PTPRM: variants seen among roughly 807,000 people sequenced by gnomAD.
PTPRM encodes the protein protein tyrosine phosphatase receptor type M, also known as receptor-type tyrosine-protein phosphatase mu.
Under a neutral mutation model 186.7 loss-of-function variants are expected in PTPRM, and 47 were observed. The observed-to-expected ratio is 0.25, with a 90% CI of 0.20 to 0.32. PTPRM has a LOEUF of 0.32. PTPRM is among the 10% of genes least tolerant of loss of function. The pLI is 1.00. For missense variants in PTPRM, 1,494 were observed against 1,865.0 expected (o/e 0.80, Z 3.66); for synonymous variants, 668 against 674.9 (o/e 0.99, Z 0.16).
At chr18:8,184,710 A>G (rs2093620085) in intron 14 of PTPRM, among the ~76,000 whole-genome samples, 1 of 152,240 alleles carries the variant, frequency 6.6e-6, no homozygotes. Context: ...TTTAGGAAAA[A>G]GTTATATGAG....
At chr18:8,350,165 A>T (rs529802954) in intron 23 of PTPRM, among the ~76,000 whole-genome samples, 1 of 152,286 alleles carries the variant, frequency 6.6e-6, no homozygotes, top group South Asian at 2.1e-4. Context: ...CTCTTTCCTG[A>T]TAAGCAGCTG....
chr18:8,296,382 G>T lies in PTPRM; in HGVS notation c.2769G>T (p.Gly923=). The T allele has an allele frequency of 6.2e-7, 1 of 1,608,048 alleles. No homozygotes were observed. Among genetic ancestry groups the T allele is most frequent in the Non-Finnish European group, 8.5e-7 (1 of 1,174,632 alleles). ...TTTCCTTCTAGAGCTTCTTTGAAGG[G>T]CAGTCTGCACCATGGGACTCGGCTA... ...FKEEYESFFE[G]QSAPWDSAKK... is the part of the protein sequence containing the mutation. Residue 923 remains glycine, a synonymous_variant, in exon 20 of 33, where the codon GGG becomes GGT. Coordinates refer to ENST00000580170, the MANE Select transcript of PTPRM (RefSeq NM_001105244.2).
rs1250757812 is a variant in PTPRM at position 7,757,553 on chromosome 18, C to T, written c.74-16596C>T. Among the ~76,000 whole-genome samples, 34 of 152,104 alleles carry T rather than the reference C, an allele frequency of 2.2e-4. 1 individual carries two copies. The highest frequency in any genetic ancestry group is 1.9e-4 in the East Asian group (1 of 5,178). ...CCCTGGGCAGCCAGCAGCAGGTGGG[C>T]GTTTCTGCAGTAAGCCTCTGGGGCT... On this transcript the variant is annotated intron_variant, in intron 1 of 32. Transcript: ENST00000580170.
chr18:7,818,213 C>T (rs572285065), intron 2 of PTPRM, among the ~76,000 whole-genome samples: 1 of 152,136 alleles, frequency 6.6e-6, no homozygotes, highest in East Asian at 1.9e-4. Flanking sequence ...AGTTTTTTTT[C>T]CGACGAGTCT....
chr18:7,869,490 C>A (rs970943268), intron 2 of PTPRM, among the ~76,000 whole-genome samples: 1 of 152,146 alleles, frequency 6.6e-6, no homozygotes, highest in African/African-American at 2.4e-5. Context: ...GAGGCAATGC[C>A]CCACCCTGCT....
At chr18:7,879,271 T>G (rs943488444) in intron 2 of PTPRM, among the ~76,000 whole-genome samples, 2 of 152,228 alleles carry the variant, frequency 1.3e-5, no homozygotes, top group Admixed American at 6.5e-5. Flanking sequence ...CAAGTCCCTT[T>G]TAAGATTGAT....
chr18:8,351,884 G>T (rs2095536224), intron 23 of PTPRM, among the ~76,000 whole-genome samples: 1 of 152,126 alleles, frequency 6.6e-6, no homozygotes, highest in Non-Finnish European at 1.5e-5. Flanking sequence ...CTCAACACCA[G>T]CTCCTCCAGG....
chr18:8,263,379 G>C (rs191818126), intron 19 of PTPRM, among the ~76,000 whole-genome samples: 38 of 152,272 alleles, frequency 2.5e-4, no homozygotes, highest in Non-Finnish European at 5.0e-4. Context: ...AAAGTGCTAG[G>C]ATAACAGGTG....
chr18:8,272,404 A>G lies in PTPRM; in HGVS notation c.2754+18990A>G, dbSNP rs139830873. 2.8e-3 allele frequency among the ~76,000 whole-genome samples: 428 copies of G among 151,734 alleles called. 3 individuals carry two copies. Among genetic ancestry groups the G allele is most frequent in the African/African-American group, 9.8e-3 (407 of 41,432 alleles). ...CACATTAACTTGCCCTCTTTTTTTCAAATATAAACATTGATTTGAGAGTAT... is the reference window on the plus strand; with the variant it reads ...CACATTAACTTGCCCTCTTTTTTTCGAATATAAACATTGATTTGAGAGTAT... On this transcript the variant is annotated intron_variant, in intron 19 of 32. Transcript: ENST00000580170.
chr18:7,807,634 C>T (rs2044298996), intron 2 of PTPRM, among the ~76,000 whole-genome samples: 1 of 152,130 alleles, frequency 6.6e-6, no homozygotes, highest in Non-Finnish European at 1.5e-5. Flanking sequence ...TTGTTGTTGT[C>T]ATCTAAGTGA....
intron 14 of PTPRM, among the ~76,000 whole-genome samples, chr18:8,155,730 A>C (rs949485371): frequency 8.5e-5 from 13 of 152,238 alleles, no homozygotes; most frequent in Non-Finnish European, 1.6e-4. Flanking sequence ...TGCCTGCAGC[A>C]TGCAGCCGGA....
chr18:7,577,993 G>A (rs1447357020), intron 1 of PTPRM, among the ~76,000 whole-genome samples: 1 of 152,164 alleles, frequency 6.6e-6, no homozygotes, highest in Non-Finnish European at 1.5e-5. Context: ...TGTGACATCA[G>A]CCATGGGGAT....
chr18:7,596,909 A>G (rs1156306245), intron 1 of PTPRM, among the ~76,000 whole-genome samples: 1 of 148,838 alleles, frequency 6.7e-6, no homozygotes, highest in South Asian at 2.1e-4. Context: ...GCTGGAGTGC[A>G]TTGGCACAAT....
chr18:8,089,215 G>A (rs781111464), intron 11 of PTPRM, among the ~76,000 whole-genome samples: 3 of 151,990 alleles, frequency 2.0e-5, no homozygotes, highest in Non-Finnish European at 4.4e-5. Context: ...TGGATGTTTC[G>A]ATTTTTTCAT....
At chr18:7,900,486 A>G (rs148151785) in intron 3 of PTPRM, among the ~76,000 whole-genome samples, 623 of 152,286 alleles carry the variant, frequency 4.1e-3, no homozygotes, top group African/African-American at 0.014. Flanking sequence ...CCCAATTGCT[A>G]TATTTCTTAT....
At chr18:8,056,728 C>T (rs2087977417) in intron 7 of PTPRM, among the ~76,000 whole-genome samples, 1 of 148,702 alleles carries the variant, frequency 6.7e-6, no homozygotes, top group South Asian at 2.2e-4. Context: ...AGGCCCATAG[C>T]CTTGAAATGC....
intron 2 of PTPRM, among the ~76,000 whole-genome samples, chr18:7,782,970 G>T (rs1347909229): frequency 6.6e-6 from 1 of 152,154 alleles, no homozygotes; most frequent in Non-Finnish European, 1.5e-5. Flanking sequence ...ATAGTGGCTA[G>T]CTGTGTTTTA....
intron 1 of PTPRM, among the ~76,000 whole-genome samples, chr18:7,733,179 A>G (rs947686964): frequency 6.6e-6 from 1 of 152,108 alleles, no homozygotes; most frequent in Non-Finnish European, 1.5e-5. Flanking sequence ...TCAACCCATC[A>G]TCTAGGTTTT....
At chr18:8,312,863 G>A (rs1331432021) in intron 20 of PTPRM, among the ~76,000 whole-genome samples, 2 of 152,106 alleles carry the variant, frequency 1.3e-5, no homozygotes, top group Admixed American at 1.3e-4. Context: ...TAATGGTAAG[G>A]CACTGACATG....
Sources: gnomAD v4.1 joint callset for allele counts (sites outside exome capture counted in the v4.1 genomes callset) on GRCh38, gnomAD v4.1.1 for gene constraint, MANE v1.5 for transcripts, NCBI Gene and HGNC (gene_info 2026-07-23, HGNC 2026-07-21) for gene names.